Variants in ASH1L observed in about 807,000 individuals in gnomAD.
ASH1L encodes the protein ASH1 like histone lysine methyltransferase.
ASH1L carries 23 observed loss-of-function variants against 269.0 expected under a neutral mutation model. That is an observed-to-expected ratio of 0.09 (90% confidence interval 0.06 to 0.12). The LOEUF (loss-of-function observed/expected upper bound fraction) is 0.12. Ranked by LOEUF, ASH1L falls within the 10% of genes least tolerant of loss-of-function variation. The pLI, the probability that ASH1L is intolerant of heterozygous loss-of-function variation, is 1.00. For synonymous variants in ASH1L, 1,187 were observed against 1,253.5 expected (o/e 0.95, Z 1.12); for missense variants, 2,912 against 3,567.8 (o/e 0.82, Z 4.68).
At chr1:155,409,033 CT>C (rs1012852865) in intron 6 of ASH1L, among the ~76,000 whole-genome samples, 8 of 151,308 alleles carry the variant, frequency 5.3e-5, no homozygotes, top group Admixed American at 4.6e-4. Flanking sequence ...TCTTTTCTTT[CT>C]TTTTTTTTGA....
At chr1:155,447,181 G>C (rs565616285) in intron 4 of ASH1L, among the ~76,000 whole-genome samples, 18 of 152,200 alleles carry the variant, frequency 1.2e-4, no homozygotes, top group African/African-American at 4.1e-4. Flanking sequence ...GTTAGCTGTA[G>C]GTTTTTCTGC....
At chr1:155,499,286 T>C (rs1168457440) in intron 2 of ASH1L, among the ~76,000 whole-genome samples, 8 of 152,212 alleles carry the variant, frequency 5.3e-5, no homozygotes, top group Non-Finnish European at 5.9e-5. Context: ...ACATAAGGTG[T>C]CAATTTGTCC....
intron 10 of ASH1L, among the ~76,000 whole-genome samples, chr1:155,376,862 G>GAA (rs561497651): frequency 7.6e-6 from 1 of 132,418 alleles, no homozygotes; most frequent in Admixed American, 7.5e-5. Flanking sequence ...CTCAGAAAAA[G>GAA]AAAAAAAAAA....
At chr1:155,449,522 GTTT>G (rs931941166) in intron 4 of ASH1L, among the ~76,000 whole-genome samples, 1 of 134,858 alleles carries the variant, frequency 7.4e-6, no homozygotes. Flanking sequence ...AAATGTGGTT[GTTT>G]TTTTTTTTTT....
At chr1:155,338,478 C>T (rs1652503242) in intron 26 of ASH1L, 88 bp from the exon 27 acceptor site, 1 of 1,254,676 alleles carries the variant, frequency 8.0e-7, no homozygotes, top group Non-Finnish European at 1.1e-6. Context: ...GCTTGAGATC[C>T]TGGAGTCCAG....
At chr1:155,427,761 C>T (rs1257368421) in intron 5 of ASH1L, among the ~76,000 whole-genome samples, 1 of 152,128 alleles carries the variant, frequency 6.6e-6, no homozygotes, top group African/African-American at 2.4e-5. Flanking sequence ...TGGATGTGCG[C>T]CCTGCCCACA....
chr1:155,536,307 C>T (rs892278513), intron 1 of ASH1L, among the ~76,000 whole-genome samples: 5 of 152,250 alleles, frequency 3.3e-5, no homozygotes, highest in Non-Finnish European at 7.4e-5. Context: ...GAGGGCCTTG[C>T]AGACTTATAA....
At chr1:155,483,470 G>A (rs1419731633) in intron 2 of ASH1L, among the ~76,000 whole-genome samples, 4 of 152,020 alleles carry the variant, frequency 2.6e-5, no homozygotes, top group African/African-American at 9.7e-5. Flanking sequence ...AAACAGTACA[G>A]AAGTGACAAA....
chr1:155,343,384 G>A lies in ASH1L; in HGVS notation c.8223C>T (p.Leu2741=). 1 of 1,614,210 alleles carries A rather than the reference G, an allele frequency of 6.2e-7. No homozygotes were observed. Among genetic ancestry groups the A allele is most frequent in the Non-Finnish European group, 8.5e-7 (1 of 1,180,036 alleles). Residue 2741 remains leucine (L), a synonymous_variant, in exon 24 of 28, where the codon CTC becomes CTT. Transcript: ENST00000392403. The surrounding 1 kb of genome is among the most constrained non-coding windows in gnomAD (Gnocchi z 6.1). The part of the protein sequence containing the change: ...FYHNELFRVP[L]YEIIPLEAVV... Reference sequence around the variant, plus strand: ...CAGCCTCCAAGGGAATGATCTCATAGAGTGGCACCCGAAATAGTTCATTAT... The same window carrying A: ...CAGCCTCCAAGGGAATGATCTCATAAAGTGGCACCCGAAATAGTTCATTAT...
intron 12 of ASH1L, among the ~76,000 whole-genome samples, chr1:155,365,240 T>C (rs1402092063): frequency 6.6e-6 from 1 of 152,050 alleles, no homozygotes; most frequent in Non-Finnish European, 1.5e-5. Flanking sequence ...AGTTTTGCTC[T>C]TGTCGCTCAG....
At chr1:155,544,374 C>T (rs531128480) in intron 1 of ASH1L, among the ~76,000 whole-genome samples, 4 of 151,628 alleles carry the variant, frequency 2.6e-5, no homozygotes, top group South Asian at 4.2e-4. Context: ...GCAAGCTCTG[C>T]CTCCCGGGTT....
At chr1:155,523,231 A>G (rs1464089060) in intron 1 of ASH1L, among the ~76,000 whole-genome samples, 1 of 152,186 alleles carries the variant, frequency 6.6e-6, no homozygotes, top group Non-Finnish European at 1.5e-5. Flanking sequence ...ATGGTGGCTC[A>G]CACCTATAAT....
At chr1:155,366,793 C>T (rs1446969747) in intron 12 of ASH1L, among the ~76,000 whole-genome samples, 1 of 151,958 alleles carries the variant, frequency 6.6e-6, no homozygotes, top group Non-Finnish European at 1.5e-5. Flanking sequence ...CCTGCCCCAG[C>T]CTCCAATAGC....
chr1:155,527,062 G>A (rs559521307), intron 1 of ASH1L, among the ~76,000 whole-genome samples: 5 of 152,230 alleles, frequency 3.3e-5, no homozygotes, highest in African/African-American at 1.2e-4. Context: ...TAAGAAATTA[G>A]CCAGGTGTGG....
At chr1:155,370,746 T>C in intron 11 of ASH1L, 31 bp downstream of exon 11, 1 of 1,613,400 alleles carries the variant, frequency 6.2e-7, no homozygotes, top group South Asian at 1.1e-5. Flanking sequence ...ACCTTGGCAT[T>C]TTATTAGAGT....
chr1:155,555,962 C>T (rs1671555972), intron 1 of ASH1L, among the ~76,000 whole-genome samples: 1 of 152,162 alleles, frequency 6.6e-6, no homozygotes, highest in Admixed American at 6.6e-5. Flanking sequence ...GAAGGAGGGA[C>T]AGGGGCTGGT....
rs373938034 is a variant in ASH1L, at chr1:155,482,441, T to C, written c.429A>G (p.Ser143=). Residue 143 remains serine (S), a synonymous_variant, in exon 3 of 28, where the codon TCA becomes TCG. Transcript: ENST00000392403. ...CATCATCTGCTTTCTTGTACAACTT[T>C]GAAGGGTCCTAAAATTTGAACAAGA... is the stretch of plus-strand genomic sequence containing the variant. ...NEHCPSKRDP[S]KLYKKADDVA... The C allele has an allele frequency of 1.2e-6, 2 of 1,607,076 alleles. No homozygotes were observed. The highest frequency in any genetic ancestry group is 2.7e-5 in the African/African-American group (2 of 74,504).
Position 155,357,471 on chromosome 1 carries a change from A to C in ASH1L, c.6961-61T>G. ...AAATATCAGTCAGAAATAATCTCCAAGAATATTAAAACCACTCTTAAGATG... is the reference window on the plus strand; with the variant it reads ...AAATATCAGTCAGAAATAATCTCCACGAATATTAAAACCACTCTTAAGATG... On this transcript the variant is annotated intron_variant, in intron 14 of 27. Coordinates refer to ENST00000392403, the MANE Select transcript of ASH1L (RefSeq NM_018489.3). 3 of 1,594,688 alleles carry C rather than the reference A, an allele frequency of 1.9e-6. No individual in the cohort carries two copies. The Admixed American group carries it at 5.1e-5, about 27-fold the overall frequency.
chr1:155,348,485 A>G (rs1414741843), intron 19 of ASH1L, among the ~76,000 whole-genome samples: 2 of 152,094 alleles, frequency 1.3e-5, no homozygotes, highest in African/African-American at 4.8e-5. Flanking sequence ...GCACCATACA[A>G]TAGTCCATCC....
Sources: gnomAD v4.1 joint callset for allele counts (sites outside exome capture counted in the v4.1 genomes callset) on GRCh38, gnomAD v4.1.1 for gene constraint, Gnocchi (gnomAD v3.1) non-coding constraint, MANE v1.5 for transcripts, NCBI Gene and HGNC (gene_info 2026-07-23, HGNC 2026-07-21) for gene names.